DMD: variants seen among roughly 807,000 people sequenced by gnomAD.
The protein encoded by DMD is dystrophin, also known as mutant dystrophin.
In DMD, 63 loss-of-function variants were observed where a neutral mutation model predicts 330.1. The ratio of observed to expected loss-of-function variants is 0.19; its 90% CI spans 0.16 to 0.24. The LOEUF (loss-of-function observed/expected upper bound fraction) is 0.24. Among genes scored for constraint, DMD ranks in the 10% least tolerant of loss-of-function variants. The pLI, the probability that DMD is intolerant of heterozygous loss-of-function variation, is 1.00. For synonymous variants in DMD, 1,223 were observed against 959.8 expected (o/e 1.27, Z -5.07); for missense variants, 3,344 against 2,684.1 (o/e 1.25, Z -5.43).
chrX:33,007,469 T>A (rs1417734310), intron 2 of DMD, among the ~76,000 whole-genome samples: 1 of 111,639 alleles, frequency 9.0e-6, no homozygotes, highest in Non-Finnish European at 1.9e-5. Flanking sequence ...AATGGCAACC[T>A]ACCCTTTGAA....
chrX:31,812,533 A>G (rs1160139971), intron 50 of DMD, among the ~76,000 whole-genome samples: 1 of 110,383 alleles, frequency 9.1e-6, no homozygotes, highest in Admixed American at 9.7e-5. Flanking sequence ...AGACCTGCAC[A>G]TTGTGCACAT....
At chrX:33,008,805 T>TGC in intron 2 of DMD, among the ~76,000 whole-genome samples, 1 of 85,416 alleles carries the variant, frequency 1.2e-5, no homozygotes, top group Non-Finnish European at 2.1e-5. Flanking sequence ...TATATATACG[T>TGC]ATATATACAC....
chrX:33,198,164 T>G (rs2051062475), intron 1 of DMD, among the ~76,000 whole-genome samples: 1 of 111,520 alleles, frequency 9.0e-6, no homozygotes, highest in African/African-American at 3.3e-5. Context: ...AATTTGCATT[T>G]CTTTAATGGC....
intron 7 of DMD, among the ~76,000 whole-genome samples, chrX:32,800,592 T>C (rs2076484728): frequency 9.0e-6 from 1 of 111,545 alleles, no homozygotes; most frequent in East Asian, 2.8e-4. Context: ...AGTTTTGGGA[T>C]ACATGTGCAG....
intron 62 of DMD, chrX:31,266,966 C>CGCGG: frequency 9.6e-7 from 1 of 1,040,649 alleles, no homozygotes; most frequent in Non-Finnish European, 1.3e-6. Context: ...GAGGAGCCGG[C>CGCGG]GCGGGCGGGC....
intron 12 of DMD, among the ~76,000 whole-genome samples, chrX:32,602,771 G>A (rs1212261298): frequency 4.5e-5 from 5 of 110,908 alleles, no homozygotes; most frequent in African/African-American, 6.6e-5. Context: ...TCCCAATCCT[G>A]GGAATCCAAA....
intron 9 of DMD, among the ~76,000 whole-genome samples, chrX:32,658,517 A>C (rs779502480): frequency 9.0e-6 from 1 of 111,626 alleles, no homozygotes; most frequent in Non-Finnish European, 1.9e-5. Context: ...TTTATTTACA[A>C]AAATCAGGTA....
chrX:32,169,549 T>C (rs955984045), intron 44 of DMD, among the ~76,000 whole-genome samples: 2 of 111,981 alleles, frequency 1.8e-5, no homozygotes. Flanking sequence ...AGGAGGTTTC[T>C]AGACATACAT....
intron 4 of DMD, among the ~76,000 whole-genome samples, chrX:32,841,196 T>A (rs1161622853): frequency 9.0e-6 from 1 of 111,103 alleles, no homozygotes; most frequent in East Asian, 2.8e-4. Flanking sequence ...ACCTTTTGTG[T>A]TCCTGTTCAA....
At chrX:31,994,418 C>G (rs2095571126) in intron 44 of DMD, among the ~76,000 whole-genome samples, 1 of 111,752 alleles carries the variant, frequency 8.9e-6, no homozygotes. Context: ...GTCCCTTCCC[C>G]GCTAAATATT....
At chrX:32,833,115 A>T (rs2079288950) in intron 4 of DMD, among the ~76,000 whole-genome samples, 1 of 111,722 alleles carries the variant, frequency 9.0e-6, no homozygotes, top group African/African-American at 3.2e-5. Flanking sequence ...GTTAAGAATA[A>T]ATTTAAAAAA....
At chrX:32,483,053 G>A (rs1603634556) in intron 21 of DMD, among the ~76,000 whole-genome samples, 2 of 103,497 alleles carry the variant, frequency 1.9e-5, no homozygotes, top group East Asian at 3.1e-4. Flanking sequence ...GTGCCAGTTC[G>A]GATATAATGC....
rs201612961 is a variant in DMD at position 31,352,045 on chromosome X, GA to G, written c.9085-3412del. ...AACTGCTATCCTGAAGATTAAAGTT[GA>G]AAAAAAGTATTTTATAAATATTTAA... On this transcript the variant is annotated intron_variant, in intron 60 of 78. Transcript: ENST00000357033. 5.8e-3 allele frequency among the ~76,000 whole-genome samples: 642 copies of G among 110,589 alleles called. 3 individuals are homozygous for G. Among genetic ancestry groups the G allele is most frequent in the Admixed American group, 7.0e-3 (72 of 10,334 alleles).
intron 41 of DMD, among the ~76,000 whole-genome samples, chrX:32,329,097 G>C (rs1411357395): frequency 1.8e-5 from 2 of 111,640 alleles, no homozygotes; most frequent in Non-Finnish European, 3.8e-5. Context: ...TATGTCTTGG[G>C]GAAACAGTGA....
chrX:31,347,474 A>C (rs2058163518), intron 61 of DMD, among the ~76,000 whole-genome samples: 1 of 111,667 alleles, frequency 9.0e-6, no homozygotes, highest in African/African-American at 3.3e-5. Flanking sequence ...AGCTCCCACA[A>C]GAGTAAGAAC....
rs144963479 is a variant in DMD, at chrX:31,176,426, C to T, written c.10262+1506G>A. Among the ~76,000 whole-genome samples the T allele has an allele frequency of 7.1e-3, 790 of 111,660 alleles. 2 individuals carry two copies. The highest frequency in any genetic ancestry group is 0.046 in the Middle Eastern group (10 of 217). ...TCATAATGTTTTTCTCATTAGCTTACGTGTAGCTCCTTTTTGCCTTTCAAG... is the reference window on the plus strand; with the variant it reads ...TCATAATGTTTTTCTCATTAGCTTATGTGTAGCTCCTTTTTGCCTTTCAAG... On this transcript the variant is annotated intron_variant, in intron 71 of 78. Transcript: ENST00000357033.
chrX:32,716,592 G>A (rs780909132), intron 7 of DMD, among the ~76,000 whole-genome samples: 4 of 111,223 alleles, frequency 3.6e-5, no homozygotes, highest in Non-Finnish European at 3.8e-5. Flanking sequence ...CTGCTACGAA[G>A]ATACATGAGA....
intron 27 of DMD, among the ~76,000 whole-genome samples, chrX:32,441,736 G>A (rs948389313): frequency 9.0e-6 from 1 of 111,309 alleles, no homozygotes; most frequent in African/African-American, 3.2e-5. Context: ...TTTAACTATA[G>A]CTCTCTTTTC....
intron 60 of DMD, among the ~76,000 whole-genome samples, chrX:31,357,780 G>T (rs138071425): frequency 9.0e-6 from 1 of 111,515 alleles, no homozygotes; most frequent in African/African-American, 3.3e-5. Context: ...ACTGAAAAGC[G>T]CCTTTCTTTT....
Sources: allele counts gnomAD v4.1 joint callset (sites outside exome capture counted in the v4.1 genomes callset), GRCh38; gene constraint gnomAD v4.1.1; transcripts MANE v1.5; gene names NCBI Gene and HGNC (gene_info 2026-07-23, HGNC 2026-07-21).